The following ATP13A1 variants were observed in gnomAD, a reference collection of about 807,000 sequenced individuals.
ATP13A1 encodes the protein endoplasmic reticulum transmembrane helix translocase.
In ATP13A1, 55 loss-of-function variants were observed where a neutral mutation model predicts 134.8. The observed-to-expected ratio is 0.41, with a 90% CI of 0.33 to 0.51. ATP13A1 has a LOEUF of 0.51. Among genes scored for constraint, ATP13A1 ranks in the 20% least tolerant of loss-of-function variants. ATP13A1 has a pLI of 0.29. For missense variants in ATP13A1, 1,389 were observed against 1,652.8 expected, an observed-to-expected ratio of 0.84 and a Z score of 2.77; for synonymous variants, 775 against 725.1, an observed-to-expected ratio of 1.07 and a Z score of -1.10.
chr19:19,662,624 T>G (rs111472914), intron 1 of ATP13A1, among the ~76,000 whole-genome samples: 5 of 152,334 alleles, frequency 3.3e-5, no homozygotes, highest in African/African-American at 1.2e-4. Context: ...GAGCGCGACC[T>G]TGCTTGCTGT....
Position 19,663,394 on chromosome 19 carries a change from G to T in ATP13A1, c.273C>A (p.Ser91Arg). Residue 91 changes from serine (S) to arginine (R), a missense_variant, in exon 1 of 26, where the codon AGC (serine) becomes AGA (arginine). Physicochemically the swap from Ser to Arg is moderately radical, Grantham distance 110. Coordinates refer to ENST00000357324, the MANE Select transcript of ATP13A1 (RefSeq NM_020410.3). ...CAGCTTCGGGGATCTGCACCCAACT[G>T]CTGCCCCAGCCCCAGCAGCCAGCGG... ...AAAAGCWGWGSSWVQIPEAAL... is the reference protein window; with the variant it reads ...AAAAGCWGWGRSWVQIPEAAL... 6.3e-7 allele frequency: 1 copy of T among 1,584,840 alleles called. No homozygotes were observed. Among genetic ancestry groups the T allele is most frequent in the Admixed American group, 1.8e-5 (1 of 55,536 alleles).
At chr19:19,648,055 A>G (rs1199562221) in intron 19 of ATP13A1, among the ~76,000 whole-genome samples, 1 of 152,184 alleles carries the variant, frequency 6.6e-6, no homozygotes, top group Non-Finnish European at 1.5e-5. Flanking sequence ...GCAGTGGCTC[A>G]CACCTGTTAT....
rs755058501 is a variant in ATP13A1, at chr19:19,656,009, G to A, written c.1213+45C>T. 1.9e-6 allele frequency: 3 copies of A among 1,612,630 alleles called. No individual in the cohort carries two copies. Among genetic ancestry groups the A allele is most frequent in the Middle Eastern group, 1.7e-4 (1 of 6,054 alleles). On this transcript the variant is annotated intron_variant, in intron 8 of 25. Coordinates refer to ENST00000357324, the MANE Select transcript of ATP13A1 (RefSeq NM_020410.3). The surrounding 1 kb of genome is among the most constrained non-coding windows in gnomAD (Gnocchi z 4.6). Reference sequence around the variant, plus strand: ...CCTCATGATCAAGCAGACGGGCAAAGGGGGTGGAAGCCCAGATACCCCCAG... The same window carrying A: ...CCTCATGATCAAGCAGACGGGCAAAAGGGGTGGAAGCCCAGATACCCCCAG...
chr19:19,662,346 C>T (rs1354658088), intron 1 of ATP13A1: 2 of 985,304 alleles, frequency 2.0e-6, no homozygotes, highest in African/African-American at 3.5e-5. Context: ...ATTCTACCCA[C>T]ATTCAGAGCC....
chr19:19,661,866 A>AT (rs1370474141), intron 1 of ATP13A1, among the ~76,000 whole-genome samples: 1 of 152,196 alleles, frequency 6.6e-6, no homozygotes, highest in East Asian at 1.9e-4. Flanking sequence ...CAACAATCAC[A>AT]TAACTACAAA....
At chr19:19,659,494 T>C in intron 3 of ATP13A1, 107 bp downstream of exon 3, 1 of 577,544 alleles carries the variant, frequency 1.7e-6, no homozygotes, top group Non-Finnish European at 2.7e-6. Flanking sequence ...TAATAGTAAA[T>C]AAATAAATAA....
At chr19:19,654,221 T>G in intron 13 of ATP13A1, 77 bp from the exon 14 acceptor site, 4 of 1,375,838 alleles carry the variant, frequency 2.9e-6, no homozygotes, top group Non-Finnish European at 4.0e-6. Flanking sequence ...CACCCCGGCC[T>G]CCCCCACCTC....
At position 19,647,058 on chromosome 19, in the gene ATP13A1, T is replaced by A; in HGVS notation, c.3105+71A>T. The A allele has an allele frequency of 6.8e-7, 1 of 1,479,172 alleles. No individual in the cohort carries two copies. The highest frequency in any genetic ancestry group is 9.1e-7 in the Non-Finnish European group (1 of 1,096,258). The allele number at this position is 1,479,172 out of a possible 1,614,324, so 91.6% of individuals were successfully genotyped here. ...GGTCCTGTAACTTGGGGATGACAAT[T>A]CCCGTGCCTATATCAGCCTGGCCCT... On this transcript the variant is annotated intron_variant, in intron 22 of 25. Coordinates refer to ENST00000357324, the MANE Select transcript of ATP13A1 (RefSeq NM_020410.3). The surrounding 1 kb of genome is among the most constrained non-coding windows in gnomAD (Gnocchi z 4.8).
Position 19,652,725 on chromosome 19 carries a change from G to A in ATP13A1, c.2101-5C>T, listed in dbSNP as rs1271042449. The A allele has an allele frequency of 1.4e-5, 23 of 1,600,198 alleles. No homozygotes were observed. Among genetic ancestry groups the A allele is most frequent in the Non-Finnish European group, 1.7e-5 (20 of 1,175,878 alleles). Reference sequence around the variant, plus strand: ...CTCCCGCTTGACCTCCCGGGCCTGCGGACAGACAGGGGCACCCTCACCATC... The same window carrying A: ...CTCCCGCTTGACCTCCCGGGCCTGCAGACAGACAGGGGCACCCTCACCATC... On this transcript the variant is annotated splice_region_variant and splice_polypyrimidine_tract_variant and intron_variant, in intron 15 of 25. Coordinates refer to ENST00000357324, the MANE Select transcript of ATP13A1 (RefSeq NM_020410.3).
Position 19,653,992 on chromosome 19 carries a change from C to G in ATP13A1, c.1966G>C (p.Ala656Pro). The G allele has an allele frequency of 6.3e-7, 1 of 1,597,344 alleles. No individual in the cohort carries two copies. The highest frequency in any genetic ancestry group is 1.1e-5 in the South Asian group (1 of 88,196). ...DLCYIAAVKGAPETLHSMFSQ... is the reference protein window; with the variant it reads ...DLCYIAAVKGPPETLHSMFSQ... ...ACCATGGAGTGCAGAGTTTCGGGGG[C>G]CCCCTTCACGGCCGCGATGTAGCAG... The change falls in exon 14 of 26, where the codon GCC (alanine) becomes CCC (proline). Residue 656 changes from alanine (A) to proline (P), a missense_variant. Ala to Pro is a conservative substitution (Grantham distance 27). Around this residue, in one of 4 missense-constraint regions of ATP13A1, gnomAD observed 747 missense variants for 956.1 expected, o/e 0.78. Coordinates refer to ENST00000357324, the MANE Select transcript of ATP13A1 (RefSeq NM_020410.3). The surrounding 1 kb of genome is among the most constrained non-coding windows in gnomAD (Gnocchi z 4.2).
intron 13 of ATP13A1, 34 bp from the exon 14 acceptor site, chr19:19,654,178 T>C (rs1817721398): frequency 6.4e-7 from 1 of 1,553,582 alleles, no homozygotes; most frequent in Non-Finnish European, 8.7e-7. Context: ...CTGAGGGGCT[T>C]TGCTCCAAAG....
intron 17 of ATP13A1, chr19:19,651,069 C>T (rs1478018722): frequency 1.3e-5 from 2 of 152,206 alleles, no homozygotes; most frequent in African/African-American, 4.8e-5. Context: ...TTGGAAGTGA[C>T]CTGGGCAAGT....
At chr19:19,662,938 T>G in intron 1 of ATP13A1, 1 of 442,850 alleles carries the variant, frequency 2.3e-6, no homozygotes, top group Non-Finnish European at 4.4e-6. Flanking sequence ...GAGTAGTCGC[T>G]AATATGGGAA....
rs2062050266 is a variant in ATP13A1, at chr19:19,655,303, T to C, written c.1534+13A>G. 1.2e-6 allele frequency: 2 copies of C among 1,613,898 alleles called. No individual in the cohort carries two copies. Among genetic ancestry groups the C allele is most frequent in the South Asian group, 1.1e-5 (1 of 91,086 alleles). ...CAGCCCACTCGGCACCCCATCCCAT[T>C]TGACACACTCACAGAGCTTGGCCAG... is the stretch of plus-strand genomic sequence containing the variant. On this transcript the variant is annotated intron_variant, in intron 11 of 25. Transcript: ENST00000357324. The surrounding 1 kb of genome is among the most constrained non-coding windows in gnomAD (Gnocchi z 5.7).
At position 19,656,633 on chromosome 19, in the gene ATP13A1, T is replaced by G; in HGVS notation, c.1083+27A>C. The G allele has an allele frequency of 6.2e-7, 1 of 1,603,272 alleles. No individual in the cohort carries two copies. The highest frequency in any genetic ancestry group is 8.5e-7 in the Non-Finnish European group (1 of 1,173,500). On this transcript the variant is annotated intron_variant, in intron 7 of 25. Transcript: ENST00000357324. The surrounding 1 kb of genome is among the most constrained non-coding windows in gnomAD (Gnocchi z 4.6). ...CTGGCCTGTTTCCTCCTGAACAGCTTGAGGATCCCCATCCTCCACCAAGTA... is the reference window on the plus strand; with the variant it reads ...CTGGCCTGTTTCCTCCTGAACAGCTGGAGGATCCCCATCCTCCACCAAGTA...
rs2062107718 is a variant in ATP13A1 at position 19,663,472 on chromosome 19, G to C, written c.195C>G (p.Leu65=). Reference sequence around the variant, plus strand: ...GCAGCCCGGCGAATGGCAGCACCGTGAGGCGCCGCAACAGCGCCAACCGCC... The same window carrying C: ...GCAGCCCGGCGAATGGCAGCACCGTCAGGCGCCGCAACAGCGCCAACCGCC... ...PYRRLALLRR[L]TVLPFAGLLY... The change falls in exon 1 of 26, where the codon CTC becomes CTG. Residue 65 remains leucine (L), a synonymous_variant. Coordinates refer to ENST00000357324, the MANE Select transcript of ATP13A1 (RefSeq NM_020410.3). 2 of 1,539,830 alleles carry C rather than the reference G, an allele frequency of 1.3e-6. No individual in the cohort carries two copies. Among genetic ancestry groups the C allele is most frequent in the East Asian group, 2.4e-5 (1 of 40,884 alleles).
intron 15 of ATP13A1, 176 bp from the exon 16 acceptor site, chr19:19,652,896 G>A (rs1447832070): frequency 6.8e-6 from 6 of 884,994 alleles, no homozygotes; most frequent in Non-Finnish European, 1.0e-5. Context: ...AGGCACGCTT[G>A]AGGGGTGGGA....
rs1332026609 is a variant in ATP13A1, at chr19:19,645,751, G to T, written c.3400C>A (p.Leu1134Met). The change falls in exon 25 of 26, where the codon CTG becomes ATG. Residue 1134 changes from leucine (L) to methionine (M), a missense_variant. Transcript: ENST00000357324. This position sits in a 1 kb window ranked among gnomAD's most constrained non-coding sequence, Gnocchi z 4.1. ...AGTGAAACTGCCAGACTCCACACCA[G>T]GGGCTTGTTCTCGGGCAGGCTCTCC... is the stretch of plus-strand genomic sequence containing the variant. Reference protein sequence around the residue: ...FMESLPENKPLVWSLAVSLLA... With the variant: ...FMESLPENKPMVWSLAVSLLA... 6.2e-7 allele frequency: 1 copy of T among 1,607,736 alleles called. No individual in the cohort carries two copies. Among genetic ancestry groups the T allele is most frequent in the Non-Finnish European group, 8.5e-7 (1 of 1,177,418 alleles).
rs920433607 is a variant in ATP13A1 at position 19,656,286 on chromosome 19, G to A, written c.1084-103C>T. 2.0e-6 allele frequency: 3 copies of A among 1,471,970 alleles called. No homozygotes were observed. In the African/African-American group the frequency reaches 4.2e-5, roughly 21 times the overall value. The allele number at this position is 1,471,970 out of a possible 1,614,324, so 91.2% of individuals were successfully genotyped here. On this transcript the variant is annotated intron_variant, in intron 7 of 25. Transcript: ENST00000357324. This position sits in a 1 kb window ranked among gnomAD's most constrained non-coding sequence, Gnocchi z 4.6. The stretch of plus-strand genomic sequence containing the variant: ...CCTTGAGGCTGGAATGAGCCAGGGG[G>A]ATCCCCACCCGACCAATACATCCCA...
Sources: gnomAD v4.1 joint callset for allele counts (sites outside exome capture counted in the v4.1 genomes callset) on GRCh38, gnomAD v4.1.1 for gene constraint, gnomAD v4.1.1 regional missense constraint, Gnocchi (gnomAD v3.1) non-coding constraint, MANE v1.5 for transcripts, NCBI Gene and HGNC (gene_info 2026-07-23, HGNC 2026-07-21) for gene names.